TTLL1: variants seen among roughly 807,000 people sequenced by gnomAD.
The protein encoded by TTLL1 is polyglutamylase complex subunit TTLL1.
Under a neutral mutation model 47.8 loss-of-function variants are expected in TTLL1, and 33 were observed. The observed-to-expected ratio is 0.69, with a 90% CI of 0.52 to 0.92. The LOEUF (loss-of-function observed/expected upper bound fraction) is 0.92, where lower values mean the gene tolerates loss of function less well. Ranked by LOEUF, TTLL1 falls within the 40% of genes least tolerant of loss-of-function variation. The pLI is 0.00. For synonymous variants in TTLL1, 225 were observed against 214.1 expected, an observed-to-expected ratio of 1.05 and a Z score of -0.45; for missense variants, 488 against 547.5, an observed-to-expected ratio of 0.89 and a Z score of 1.08.
At position 43,051,974 on chromosome 22, in the gene TTLL1, C is replaced by T. The variant is rs1325706233; in HGVS notation, c.892-87G>A. 3.9e-6 allele frequency: 5 copies of T among 1,269,548 alleles called. No homozygotes were observed. The African/African-American group carries it at 4.4e-5, about 11-fold the overall frequency. 78.6% of individuals were successfully genotyped at this position (1,269,548 alleles called of 1,614,324 possible). A position where few individuals can be genotyped will look rare whatever the true frequency, so the allele number is the denominator to read the frequency against. On this transcript the variant is annotated intron_variant, in intron 8 of 10. Coordinates refer to ENST00000266254, the MANE Select transcript of TTLL1 (RefSeq NM_012263.5). ...GCCACAGAGACAAGCAGGATCGTCC[C>T]ACGTCCCGACCTCCCACAGCACAGG...
At chr22:43,074,517 C>A (rs1928355864) in intron 3 of TTLL1, among the ~76,000 whole-genome samples, 1 of 150,582 alleles carries the variant, frequency 6.6e-6, no homozygotes, top group African/African-American at 2.4e-5. Context: ...CCTTTTTCTT[C>A]ATTTCATTCC....
At chr22:43,072,492 G>A (rs996829694) in intron 3 of TTLL1, among the ~76,000 whole-genome samples, 1 of 151,840 alleles carries the variant, frequency 6.6e-6, no homozygotes, top group Non-Finnish European at 1.5e-5. Context: ...TTCTTTTAGA[G>A]ACAAGGTCTC....
At chr22:43,075,795 C>T (rs1012444624) in intron 2 of TTLL1, among the ~76,000 whole-genome samples, 7 of 152,206 alleles carry the variant, frequency 4.6e-5, no homozygotes, top group African/African-American at 9.7e-5. Context: ...CCTCTGGCAT[C>T]GGGCATGTCC....
intron 2 of TTLL1, among the ~76,000 whole-genome samples, chr22:43,077,539 GCCTGGCACGTGA>G (rs1277662396): frequency 3.3e-5 from 5 of 152,296 alleles, no homozygotes; most frequent in Admixed American, 6.5e-5. Flanking sequence ...CCAGCTCCAT[GCCTGGCACGTGA>G]GGGATGCTCA....
intron 1 of TTLL1, among the ~76,000 whole-genome samples, chr22:43,088,313 G>A (rs1388127917): frequency 7.3e-6 from 1 of 137,290 alleles, no homozygotes; most frequent in African/African-American, 2.9e-5. Context: ...TGAGGGCAGA[G>A]AAGGGCCCAT....
chr22:43,087,292 A>T (rs112815571), intron 1 of TTLL1, among the ~76,000 whole-genome samples: 4,747 of 152,266 alleles, frequency 0.031, 272 homozygotes, highest in African/African-American at 0.11. Flanking sequence ...TGGGAGGCCA[A>T]GACAGGTGGA....
intron 5 of TTLL1, among the ~76,000 whole-genome samples, chr22:43,067,010 C>T (rs1304367087): frequency 6.6e-6 from 1 of 151,614 alleles, no homozygotes; most frequent in Non-Finnish European, 1.5e-5. Flanking sequence ...AAAAAGTAAA[C>T]ATGCTATAAA....
intron 2 of TTLL1, among the ~76,000 whole-genome samples, chr22:43,078,688 A>T (rs1304166757): frequency 2.6e-5 from 4 of 152,024 alleles, no homozygotes; most frequent in African/African-American, 9.7e-5. Flanking sequence ...TCACAGGGTC[A>T]ATGAGCAATA....
At chr22:43,076,482 T>A (rs967527010) in intron 2 of TTLL1, among the ~76,000 whole-genome samples, 2 of 149,564 alleles carry the variant, frequency 1.3e-5, no homozygotes, top group African/African-American at 5.0e-5. Flanking sequence ...CCGGGCGCGG[T>A]GGCTCACGCC....
At chr22:43,065,128 G>T (rs1162489834) in intron 5 of TTLL1, among the ~76,000 whole-genome samples, 1 of 151,954 alleles carries the variant, frequency 6.6e-6, no homozygotes, top group Non-Finnish European at 1.5e-5. Flanking sequence ...CTGGGCAATA[G>T]AGCAAGACTC....
chr22:43,050,200 G>A (rs1474086408), intron 9 of TTLL1, among the ~76,000 whole-genome samples: 1 of 152,018 alleles, frequency 6.6e-6, no homozygotes, highest in Non-Finnish European at 1.5e-5. Flanking sequence ...GGCAGATCAC[G>A]AGGTCAGGAG....
intron 8 of TTLL1, among the ~76,000 whole-genome samples, chr22:43,055,627 G>A (rs1397305160): frequency 1.3e-5 from 2 of 151,492 alleles, no homozygotes; most frequent in African/African-American, 4.8e-5. Flanking sequence ...CAACACATTC[G>A]GCTAATTAAA....
chr22:43,046,531 G>A lies in TTLL1; in HGVS notation c.1021C>T (p.Arg341Ter), dbSNP rs61738402. The A allele has an allele frequency of 3.4e-5, 55 of 1,614,002 alleles. No individual in the cohort carries two copies. The highest frequency in any genetic ancestry group is 4.5e-5 in the Non-Finnish European group (53 of 1,180,032). The change falls in exon 10 of 11, where the codon CGA (arginine) becomes TGA (stop). Residue 341 changes from arginine (R) to a stop codon, truncating the protein, a stop_gained. Transcript: ENST00000266254. LOFTEE classifies it high-confidence loss of function. ...PSLTSSTAND[R>*]ILKYNLINDT... ...TTAATCAGGTTGTACTTGAGGATTCGGTCATTGGCAGTGCTGGACGTGAGA... is the reference window on the plus strand; with the variant it reads ...TTAATCAGGTTGTACTTGAGGATTCAGTCATTGGCAGTGCTGGACGTGAGA...
chr22:43,053,900 CA>C (rs932731295), intron 8 of TTLL1, among the ~76,000 whole-genome samples: 3 of 152,098 alleles, frequency 2.0e-5, no homozygotes, highest in Non-Finnish European at 4.4e-5. Flanking sequence ...AAAGATCTAC[CA>C]AAATGGGCTG....
At chr22:43,069,615 G>A in intron 4 of TTLL1, 21 bp downstream of exon 4, 1 of 1,613,886 alleles carries the variant, frequency 6.2e-7, no homozygotes, top group Non-Finnish European at 8.5e-7. Context: ...GAAAACATGA[G>A]CCGGTGGAAG....
intron 8 of TTLL1, among the ~76,000 whole-genome samples, chr22:43,057,406 G>A (rs4820505): frequency 0.22 from 34,031 of 152,050 alleles, 4,480 homozygotes; most frequent in Middle Eastern, 0.36. Flanking sequence ...CACTGTGCCC[G>A]GCCAATTTCA....
chr22:43,039,984 A>C (rs1317638377), intron 10 of TTLL1, 79 bp from the exon 11 acceptor site: 1 of 1,528,184 alleles, frequency 6.5e-7, no homozygotes, highest in Non-Finnish European at 8.8e-7. Flanking sequence ...GCTGTGTGGC[A>C]AATATGACAT....
At chr22:43,067,744 G>A (rs979267511) in intron 5 of TTLL1, among the ~76,000 whole-genome samples, 2 of 152,032 alleles carry the variant, frequency 1.3e-5, no homozygotes, top group Non-Finnish European at 2.9e-5. Context: ...GCCGAGGTGG[G>A]TGGATCACCC....
chr22:43,048,172 C>T (rs1435970550), intron 9 of TTLL1, among the ~76,000 whole-genome samples: 1 of 151,848 alleles, frequency 6.6e-6, no homozygotes, highest in Non-Finnish European at 1.5e-5. Context: ...AAAAAATTAG[C>T]CAAGTGTGGT....
Sources: allele counts gnomAD v4.1 joint callset (sites outside exome capture counted in the v4.1 genomes callset), GRCh38; gene constraint gnomAD v4.1.1; transcripts MANE v1.5; gene names NCBI Gene and HGNC (gene_info 2026-07-23, HGNC 2026-07-21).